The following FADS1 variants were observed in gnomAD, a reference collection of about 807,000 sequenced individuals.
FADS1 encodes the protein acyl-CoA (8-3)-desaturase.
FADS1 carries 17 observed loss-of-function variants against 61.6 expected under a neutral mutation model. The ratio of observed to expected loss-of-function variants is 0.28; its 90% CI spans 0.19 to 0.41. The LOEUF (loss-of-function observed/expected upper bound fraction) is 0.41. Among genes scored for constraint, FADS1 ranks in the 10% least tolerant of loss-of-function variants. The pLI, the probability that FADS1 is intolerant of heterozygous loss-of-function variation, is 1.00. For synonymous variants in FADS1, 238 were observed against 258.7 expected, an observed-to-expected ratio of 0.92 and a Z score of 0.77; for missense variants, 387 against 650.9, an observed-to-expected ratio of 0.59 and a Z score of 4.41.
intron 3 of FADS1, chr11:61,811,826 G>C (rs1408315258): frequency 2.3e-6 from 1 of 443,538 alleles, no homozygotes; most frequent in Non-Finnish European, 4.5e-6. Flanking sequence ...CACCTCAAAT[G>C]ATCTGCCCAT....
intron 5 of FADS1, among the ~76,000 whole-genome samples, chr11:61,809,367 C>T (rs900023974): frequency 6.6e-6 from 1 of 152,014 alleles, no homozygotes; most frequent in African/African-American, 2.4e-5. Context: ...TTTTTACACA[C>T]AGGGTTGCGC....
chr11:61,812,222 A>G (rs2066935703), intron 3 of FADS1, among the ~76,000 whole-genome samples: 1 of 152,228 alleles, frequency 6.6e-6, no homozygotes, highest in African/African-American at 2.4e-5. Flanking sequence ...GGCAGAGAAC[A>G]AACCGCATAG....
Position 61,816,397 on chromosome 11 carries a change from T to C in FADS1, c.375+158A>G. The stretch of plus-strand genomic sequence containing the variant: ...CTCTCTCCCGCCTTTTCATCCCGCA[T>C]CCGCAGGACACCCAATCACCGGGCA... On this transcript the variant is annotated intron_variant, in intron 1 of 11. Coordinates refer to ENST00000350997, the MANE Select transcript of FADS1 (RefSeq NM_013402.7). The surrounding 1 kb of genome is among the most constrained non-coding windows in gnomAD (Gnocchi z 7.0). 6.3e-7 allele frequency: 1 copy of C among 1,598,524 alleles called. No homozygotes were observed.
chr11:61,804,668 G>C lies in FADS1; in HGVS notation c.1053+17C>G. 6.2e-7 allele frequency: 1 copy of C among 1,609,424 alleles called. No homozygotes were observed. ...CTGGAGACAAGGATGTGGGCTTCTTGGGCCATGGATACTCACCACCCACTT... is the reference window on the plus strand; with the variant it reads ...CTGGAGACAAGGATGTGGGCTTCTTCGGCCATGGATACTCACCACCCACTT... On this transcript the variant is annotated intron_variant, in intron 7 of 11. Transcript: ENST00000350997.
Position 61,816,864 on chromosome 11 carries a change from C to A in FADS1, c.66G>T (p.Arg22=). The change falls in exon 1 of 12, where the codon CGG becomes CGT. Residue 22 remains arginine, a synonymous_variant. Transcript: ENST00000350997. This position sits in a 1 kb window ranked among gnomAD's most constrained non-coding sequence, Gnocchi z 7.0. ...PCGAENPARR[R]LALGARQQIH... is the part of the protein sequence containing the mutation. ...TTTGCTGGCGCGCGCCCAGAGCCAGCCGCCTGCGCGCCGGGTTTTCAGCAC... is the reference window on the plus strand; with the variant it reads ...TTTGCTGGCGCGCGCCCAGAGCCAGACGCCTGCGCGCCGGGTTTTCAGCAC... 6.8e-7 allele frequency: 1 copy of A among 1,479,058 alleles called. No homozygotes were observed. The highest frequency in any genetic ancestry group is 1.3e-5 in the South Asian group (1 of 77,254). The allele number at this position is 1,479,058 out of a possible 1,614,324, so 91.6% of individuals were successfully genotyped here.
chr11:61,809,625 T>TA (rs1482956574), intron 5 of FADS1, among the ~76,000 whole-genome samples: 1 of 152,224 alleles, frequency 6.6e-6, no homozygotes, highest in African/African-American at 2.4e-5. Flanking sequence ...GTCTTTTTTT[T>TA]AAACCCTCTG....
chr11:61,802,231 C>T lies in FADS1; in HGVS notation c.*180G>A, dbSNP rs376496188. On this transcript the variant is annotated 3_prime_UTR_variant, in exon 12 of 12. Coordinates refer to ENST00000350997, the MANE Select transcript of FADS1 (RefSeq NM_013402.7). This position sits in a 1 kb window ranked among gnomAD's most constrained non-coding sequence, Gnocchi z 4.2. ...TAGGGACTTCTGTGTCCACCCCCCA[C>T]TTTGGGTCTTAGAACTGTGGCTAGA... 1.3e-5 allele frequency: 8 copies of T among 621,066 alleles called. No individual in the cohort carries two copies. The highest frequency in any genetic ancestry group is 8.3e-5 in the East Asian group (3 of 36,116). The allele number at this position is 621,066 out of a possible 1,614,324, so 38.5% of individuals were successfully genotyped here.
rs61695276 is a variant in FADS1, at chr11:61,804,801, G to A, written c.977-40C>T. On this transcript the variant is annotated intron_variant, in intron 6 of 11. Transcript: ENST00000350997. ...GAGACAAAGAGGAGGCATGAGCACA[G>A]GAAGGTCATGAAAGGGCCAGTTGAT... is the stretch of plus-strand genomic sequence containing the variant. 5,912 of 1,565,488 alleles carry A rather than the reference G, an allele frequency of 3.8e-3. 154 individuals are homozygous for A. The African/African-American group carries it at 0.061, about 16-fold the overall frequency.
In FADS1 at chr11:61,802,887, C is replaced by CACAATT; in HGVS notation, c.1367_1368insAATTGT (p.Val456_Ala457insIleVal). 6.2e-7 allele frequency: 1 copy of CACAATT among 1,614,146 alleles called. No individual in the cohort carries two copies. The highest frequency in any genetic ancestry group is 8.5e-7 in the Non-Finnish European group (1 of 1,180,006). On this transcript the variant is annotated inframe_insertion, in exon 11 of 12. Coordinates refer to ENST00000350997, the MANE Select transcript of FADS1 (RefSeq NM_013402.7). This position sits in a 1 kb window ranked among gnomAD's most constrained non-coding sequence, Gnocchi z 4.2. Reference sequence around the variant, plus strand: ...CACACAAGGACTGCACCAGGGGAGCCACTTTGTGGTAATTGTGTCGAGGCA... The same window carrying CACAATT: ...CACACAAGGACTGCACCAGGGGAGCCACAATTACTTTGTGGTAATTGTGTCGAGGCA...
intron 5 of FADS1, among the ~76,000 whole-genome samples, chr11:61,809,897 G>A (rs1262145246): frequency 6.6e-6 from 1 of 152,198 alleles, no homozygotes; most frequent in Non-Finnish European, 1.5e-5. Context: ...CCCTTTCAAA[G>A]TTCTCATGGC....
intron 5 of FADS1, 142 bp from the exon 6 acceptor site, chr11:61,806,866 C>T (rs1408402579): frequency 1.3e-6 from 1 of 750,094 alleles, no homozygotes. Flanking sequence ...AGAGGCCCAG[C>T]CTTACCTCCA....
chr11:61,813,155 A>T, intron 2 of FADS1, 88 bp downstream of exon 2: 2 of 822,224 alleles, frequency 2.4e-6, no homozygotes, highest in Non-Finnish European at 4.3e-6. Context: ...GATTACTATG[A>T]CTGTGATCCC....
At chr11:61,812,906 G>T (rs1029666900) in intron 2 of FADS1, among the ~76,000 whole-genome samples, 1 of 152,228 alleles carries the variant, frequency 6.6e-6, no homozygotes, top group African/African-American at 2.4e-5. Flanking sequence ...CCTTGGCTGT[G>T]TTGCTTAACC....
At chr11:61,804,006 T>C (rs174550) in intron 7 of FADS1, 180,033 of 559,836 alleles carry the variant, frequency 0.32, 33,387 homozygotes, top group Admixed American at 0.54. Flanking sequence ...ACAAGGTCTC[T>C]TTGCCTCTAG....
chr11:61,810,019 A>T (rs1322144121), intron 5 of FADS1, among the ~76,000 whole-genome samples: 1 of 152,198 alleles, frequency 6.6e-6, no homozygotes, highest in African/African-American at 2.4e-5. Context: ...GAGGAGGTGG[A>T]CCTGGAAGAA....
rs2066898253 is a variant in FADS1 at position 61,806,838 on chromosome 11, T to C, written c.916-114A>G. 6 of 937,508 alleles carry C rather than the reference T, an allele frequency of 6.4e-6. No individual in the cohort carries two copies. The African/African-American group carries it at 6.5e-5, about 10-fold the overall frequency. The allele number at this position is 937,508 out of a possible 1,614,324, so 58.1% of individuals were successfully genotyped here. Reference sequence around the variant, plus strand: ...TCCTCCAGGGCTGACAGCTTGTTGGTGCTATTGGAAAGCTCCAAGAGGCCC... The same window carrying C: ...TCCTCCAGGGCTGACAGCTTGTTGGCGCTATTGGAAAGCTCCAAGAGGCCC... On this transcript the variant is annotated intron_variant, in intron 5 of 11. Coordinates refer to ENST00000350997, the MANE Select transcript of FADS1 (RefSeq NM_013402.7).
In FADS1 at chr11:61,816,394, G is replaced by A. The variant is rs1363654800; in HGVS notation, c.375+161C>T. Reference sequence around the variant, plus strand: ...GGCCTCTCTCCCGCCTTTTCATCCCGCATCCGCAGGACACCCAATCACCGG... The same window carrying A: ...GGCCTCTCTCCCGCCTTTTCATCCCACATCCGCAGGACACCCAATCACCGG... On this transcript the variant is annotated intron_variant, in intron 1 of 11. Transcript: ENST00000350997. The surrounding 1 kb of genome is among the most constrained non-coding windows in gnomAD (Gnocchi z 7.0). 2 of 1,598,360 alleles carry A rather than the reference G, an allele frequency of 1.3e-6. No individual in the cohort carries two copies. Among genetic ancestry groups the A allele is most frequent in the Admixed American group, 3.3e-5 (2 of 59,984 alleles).
intron 1 of FADS1, chr11:61,814,633 G>C (rs2066959890): frequency 1.3e-5 from 2 of 152,238 alleles, no homozygotes; most frequent in African/African-American, 4.8e-5. Flanking sequence ...GCCTGTAAGG[G>C]AACTGGAGCG....
At position 61,816,646 on chromosome 11, in the gene FADS1, ATCACTAGCCACCGC is replaced by A. The variant is rs1157117816; in HGVS notation, c.270_283del (p.Glu90AspfsTer4). On this transcript the variant is annotated frameshift_variant, in exon 1 of 12. Transcript: ENST00000350997. LOFTEE classifies it high-confidence loss of function. This position sits in a 1 kb window ranked among gnomAD's most constrained non-coding sequence, Gnocchi z 7.0. ...GCTGATGTTGTACACCTTACGGTCGATCACTAGCCACCGCTCCTCGCACCCTGAGCGCTGGGCCA... is the reference window on the plus strand; with the variant it reads ...GCTGATGTTGTACACCTTACGGTCGATCCTCGCACCCTGAGCGCTGGGCCA... 1 of 1,603,210 alleles carries A rather than the reference ATCACTAGCCACCGC, an allele frequency of 6.2e-7. No individual in the cohort carries two copies. Among genetic ancestry groups the A allele is most frequent in the African/African-American group, 1.3e-5 (1 of 74,770 alleles).
Sources: gnomAD v4.1 joint callset for allele counts (sites outside exome capture counted in the v4.1 genomes callset) on GRCh38, gnomAD v4.1.1 for gene constraint, Gnocchi (gnomAD v3.1) non-coding constraint, MANE v1.5 for transcripts, NCBI Gene and HGNC (gene_info 2026-07-23, HGNC 2026-07-21) for gene names.